EIPR1: variants seen among roughly 807,000 people sequenced by gnomAD.
EIPR1 encodes the protein EARP and GARP complex-interacting protein 1.
A neutral mutation model predicts 48.1 loss-of-function variants in EIPR1; 25 were observed. The ratio of observed to expected loss-of-function variants is 0.52; its 90% CI spans 0.38 to 0.73. EIPR1 has a LOEUF of 0.73. EIPR1 is among the 30% of genes least tolerant of loss of function. The pLI is 0.00. For synonymous variants in EIPR1, 204 were observed against 201.9 expected (o/e 1.01, Z -0.09); for missense variants, 415 against 506.2 (o/e 0.82, Z 1.73).
chr2:3,195,871 T>C (rs903760822), intron 6 of EIPR1, among the ~76,000 whole-genome samples: 2 of 152,228 alleles, frequency 1.3e-5, no homozygotes, highest in Non-Finnish European at 2.9e-5. Flanking sequence ...ATGAGGCCAC[T>C]GCCAGATGTC....
At chr2:3,294,912 T>TCC (rs1668495558) in intron 3 of EIPR1, among the ~76,000 whole-genome samples, 2 of 38,864 alleles carry the variant, frequency 5.1e-5, no homozygotes, top group Non-Finnish European at 9.5e-5. Flanking sequence ...ATTCTCTCCC[T>TCC]GCACACACAC....
intron 4 of EIPR1, among the ~76,000 whole-genome samples, chr2:3,227,282 G>T (rs1666094183): frequency 6.6e-6 from 1 of 152,212 alleles, no homozygotes; most frequent in South Asian, 2.1e-4. Flanking sequence ...TGACCAAAAT[G>T]CTTACACTGA....
chr2:3,293,578 C>T (rs115976731), intron 3 of EIPR1, among the ~76,000 whole-genome samples: 2,168 of 152,298 alleles, frequency 0.014, 47 homozygotes, highest in African/African-American at 0.049. Context: ...CCAGTCCCCA[C>T]GGGCACCTCA....
At chr2:3,258,597 CTGG>C (rs1160170844) in intron 3 of EIPR1, among the ~76,000 whole-genome samples, 1 of 152,200 alleles carries the variant, frequency 6.6e-6, no homozygotes, top group Non-Finnish European at 1.5e-5. Context: ...GTATCACTTA[CTGG>C]TGATGATGCT....
At chr2:3,361,582 T>TCTTCCAGCC (rs1426502741) in intron 1 of EIPR1, among the ~76,000 whole-genome samples, 1 of 151,890 alleles carries the variant, frequency 6.6e-6, no homozygotes, top group Non-Finnish European at 1.5e-5. Flanking sequence ...CGAGGAGTGC[T>TCTTCCAGCC]CTTCCAGCCC....
chr2:3,359,986 G>C (rs187447748), intron 1 of EIPR1, among the ~76,000 whole-genome samples: 1 of 152,146 alleles, frequency 6.6e-6, no homozygotes, highest in Non-Finnish European at 1.5e-5. Flanking sequence ...CGTTCAGCCC[G>C]GCTATGGCTC....
intron 3 of EIPR1, among the ~76,000 whole-genome samples, chr2:3,263,995 C>T (rs1041892809): frequency 2.6e-5 from 4 of 152,212 alleles, no homozygotes; most frequent in African/African-American, 9.7e-5. Context: ...ACTCTCTTAA[C>T]AATTTTCAAG....
intron 4 of EIPR1, among the ~76,000 whole-genome samples, chr2:3,244,665 C>T (rs539375758): frequency 2.7e-4 from 41 of 152,278 alleles, no homozygotes; most frequent in Non-Finnish European, 5.3e-4. Flanking sequence ...CTGTGAACCA[C>T]GAAGAGGGGC....
chr2:3,206,998 C>T (rs1251884881), intron 5 of EIPR1, among the ~76,000 whole-genome samples: 2 of 152,214 alleles, frequency 1.3e-5, no homozygotes, highest in East Asian at 3.8e-4. Context: ...GAAGGAGACA[C>T]AGACTGCTTT....
rs187285267 is a variant in EIPR1, at chr2:3,228,517, T to C, written c.417-14269A>G. On this transcript the variant is annotated intron_variant, in intron 4 of 8. Transcript: ENST00000382125. ...CTTTGGACTTGGACTTTTGGGTTAA[T>C]GCTGGAATGAGTTAAGACTTTGGGG... Among the ~76,000 whole-genome samples the C allele has an allele frequency of 5.4e-3, 821 of 152,350 alleles. 5 individuals carry two copies. The highest frequency in any genetic ancestry group is 0.022 in the South Asian group (105 of 4,828).
chr2:3,233,248 C>T (rs1666297739), intron 4 of EIPR1, among the ~76,000 whole-genome samples: 1 of 151,990 alleles, frequency 6.6e-6, no homozygotes, highest in African/African-American at 2.4e-5. Flanking sequence ...GGTAACTTTC[C>T]ATATCAAATA....
intron 3 of EIPR1, among the ~76,000 whole-genome samples, chr2:3,305,567 C>T (rs943645658): frequency 1.3e-5 from 2 of 152,254 alleles, no homozygotes; most frequent in Non-Finnish European, 2.9e-5. Flanking sequence ...TTCAGCCCTC[C>T]ACTCCTGTCC....
rs373573974 is a variant in EIPR1, at chr2:3,222,611, G to C, written c.417-8363C>G. ...TGAAGATCACAGGGAACATTGTAAGGCTGTGATGAAGTCTGCAAAGAGCAC... is the reference window on the plus strand; with the variant it reads ...TGAAGATCACAGGGAACATTGTAAGCCTGTGATGAAGTCTGCAAAGAGCAC... On this transcript the variant is annotated intron_variant, in intron 4 of 8. Coordinates refer to ENST00000382125, the MANE Select transcript of EIPR1 (RefSeq NM_003310.5). Among the ~76,000 whole-genome samples the C allele has an allele frequency of 2.6e-4, 40 of 152,314 alleles. No homozygotes were observed. The South Asian group carries it at 8.1e-3, about 31-fold the overall frequency.
At chr2:3,320,661 A>G (rs955552303) in intron 3 of EIPR1, 1 of 152,258 alleles carries the variant, frequency 6.6e-6, no homozygotes, top group African/African-American at 2.4e-5. Context: ...ATCACAACAA[A>G]CAGAACTCAG....
intron 3 of EIPR1, among the ~76,000 whole-genome samples, chr2:3,299,616 T>TCACACA (rs1490452786): frequency 2.3e-5 from 3 of 130,956 alleles, no homozygotes; most frequent in African/African-American, 8.8e-5. Context: ...TCTCTCTCTC[T>TCACACA]CTCTCTCTCA....
intron 4 of EIPR1, among the ~76,000 whole-genome samples, chr2:3,220,394 T>C (rs894079016): frequency 6.6e-6 from 1 of 150,662 alleles, no homozygotes; most frequent in African/African-American, 2.4e-5. Context: ...GTGCACACAA[T>C]GGCTGTAGTA....
At chr2:3,323,019 A>G (rs983700575) in intron 3 of EIPR1, among the ~76,000 whole-genome samples, 6 of 152,220 alleles carry the variant, frequency 3.9e-5, no homozygotes, top group Non-Finnish European at 8.8e-5. Context: ...CAAAAACATT[A>G]AAGTCTTCAT....
chr2:3,320,735 A>G (rs1032604095), intron 3 of EIPR1, among the ~76,000 whole-genome samples: 6 of 152,228 alleles, frequency 3.9e-5, no homozygotes, highest in African/African-American at 1.2e-4. Context: ...AACTATTTCC[A>G]TAGGAATCCC....
At chr2:3,194,746 A>C (rs1038124173) in intron 6 of EIPR1, among the ~76,000 whole-genome samples, 2 of 151,616 alleles carry the variant, frequency 1.3e-5, no homozygotes, top group South Asian at 2.1e-4. Context: ...CCGGCTATCT[A>C]TCTATCTATA....
Sources: allele counts gnomAD v4.1 joint callset (sites outside exome capture counted in the v4.1 genomes callset), GRCh38; gene constraint gnomAD v4.1.1; transcripts MANE v1.5; gene names NCBI Gene and HGNC (gene_info 2026-07-23, HGNC 2026-07-21).